The following CNGB3 variants were observed in gnomAD, a reference collection of about 807,000 sequenced individuals.
The protein encoded by CNGB3 is cyclic nucleotide gated channel subunit beta 3.
A neutral mutation model predicts 92.8 loss-of-function variants in CNGB3; 86 were observed. The ratio of observed to expected loss-of-function variants is 0.93; its 90% CI spans 0.78 to 1.11. CNGB3 has a LOEUF of 1.11. Among genes scored for constraint, CNGB3 ranks in the 50% least tolerant of loss-of-function variants. CNGB3 has a pLI of 0.00. For missense variants in CNGB3, 1,026 were observed against 956.8 expected (o/e 1.07, Z -0.95); for synonymous variants, 333 against 332.7 (o/e 1.00, Z -0.01).
At chr8:86,691,265 G>A (rs575370111) in intron 3 of CNGB3, among the ~76,000 whole-genome samples, 1 of 152,228 alleles carries the variant, frequency 6.6e-6, no homozygotes, top group East Asian at 1.9e-4. Context: ...AGATCTAGGA[G>A]CTTTTTGGAT....
intron 3 of CNGB3, among the ~76,000 whole-genome samples, chr8:86,689,913 T>C (rs1824273437): frequency 6.6e-6 from 1 of 152,228 alleles, no homozygotes; most frequent in African/African-American, 2.4e-5. Context: ...TATGGCTGCA[T>C]AGTATTCCAT....
intron 6 of CNGB3, chr8:86,661,427 G>A (rs911177132): frequency 3.7e-5 from 18 of 485,796 alleles, no homozygotes; most frequent in South Asian, 3.0e-4. Flanking sequence ...CAGCAGACCT[G>A]TTTTATGTTT....
At position 86,599,073 on chromosome 8, in the gene CNGB3, C is replaced by T. The variant is rs186749298; in HGVS notation, c.1781+5020G>A. On this transcript the variant is annotated intron_variant, in intron 15 of 17. Transcript: ENST00000320005. ...AAGGTTTGTTGCAGGAAGTCAGGGA[C>T]GCCAAACGGAGGGACCGGCTGAAGC... Among the ~76,000 whole-genome samples, 58 of 152,188 alleles carry T rather than the reference C, an allele frequency of 3.8e-4. No individual in the cohort carries two copies. In the East Asian group the frequency reaches 7.9e-3, roughly 21 times the overall value.
Position 86,670,958 on chromosome 8 carries a change from G to T in CNGB3, c.479C>A (p.Ala160Asp). 6.2e-7 allele frequency: 1 copy of T among 1,612,368 alleles called. No homozygotes were observed. Among genetic ancestry groups the T allele is most frequent in the Non-Finnish European group, 8.5e-7 (1 of 1,179,982 alleles). Residue 160 changes from alanine (A) to aspartate (D), a missense_variant, in exon 4 of 18, where the codon GCC becomes GAC. By Grantham distance (126) the Ala-to-Asp change is moderately radical. Transcript: ENST00000320005. ...GCAATGCTTACCAGTTTGTGGGCTG[G>T]CTTCGGGTGAGGAGAGATCTCCCTC... The part of the protein sequence containing the change: ...LVEGDLSSPE[A>D]SPQTAKPTAV...
chr8:86,680,402 C>T (rs909277033), intron 3 of CNGB3, among the ~76,000 whole-genome samples: 21 of 152,126 alleles, frequency 1.4e-4, no homozygotes, highest in African/African-American at 3.4e-4. Flanking sequence ...TCACAGGAGA[C>T]GTTCATTGCA....
At chr8:86,637,976 A>G (rs1395186409) in intron 10 of CNGB3, among the ~76,000 whole-genome samples, 1 of 152,146 alleles carries the variant, frequency 6.6e-6, no homozygotes, top group Non-Finnish European at 1.5e-5. Context: ...ATGAAATCGT[A>G]CAGTATATAT....
chr8:86,723,687 AG>A (rs1825011890), intron 3 of CNGB3, among the ~76,000 whole-genome samples: 1 of 152,150 alleles, frequency 6.6e-6, no homozygotes, highest in African/African-American at 2.4e-5. Flanking sequence ...GCCCCTTTCA[AG>A]TTGTTCCTTC....
At chr8:86,730,523 G>A (rs1825139549) in intron 2 of CNGB3, among the ~76,000 whole-genome samples, 1 of 152,138 alleles carries the variant, frequency 6.6e-6, no homozygotes, top group Non-Finnish European at 1.5e-5. Context: ...TTTATTAGGA[G>A]CCACCAGTAC....
Position 86,579,200 on chromosome 8 carries a change from C to A in CNGB3, c.1834G>T (p.Gly612Trp), listed in dbSNP as rs201675902. The A allele has an allele frequency of 1.9e-5, 30 of 1,614,116 alleles. No homozygotes were observed. In the Admixed American group the frequency reaches 2.7e-4, roughly 14 times the overall value. The change falls in exon 16 of 18, where the codon GGG becomes TGG. Residue 612 changes from glycine (G) to tryptophan (W), a missense_variant. Gly to Trp is a radical substitution (Grantham distance 184, BLOSUM62 -2). Coordinates refer to ENST00000320005, the MANE Select transcript of CNGB3 (RefSeq NM_019098.5). ...NRRTANVVAH[G>W]FANLLTLDKK... ...TCTAGAGTTAAAAGATTGGCAAACC[C>A]GTGGGCCACCACATTGGCAGTTCGA...
At chr8:86,590,541 A>G (rs1353418195) in intron 15 of CNGB3, among the ~76,000 whole-genome samples, 1 of 152,018 alleles carries the variant, frequency 6.6e-6, no homozygotes, top group Non-Finnish European at 1.5e-5. Flanking sequence ...CCTGGTGGTG[A>G]CAAAATCTCT....
intron 10 of CNGB3, among the ~76,000 whole-genome samples, chr8:86,643,324 C>A (rs1823228357): frequency 6.6e-6 from 1 of 151,274 alleles, no homozygotes; most frequent in Non-Finnish European, 1.5e-5. Context: ...TACTCGAGTA[C>A]AATACATGTT....
intron 3 of CNGB3, among the ~76,000 whole-genome samples, chr8:86,722,685 T>A (rs1342704789): frequency 6.6e-6 from 1 of 152,174 alleles, no homozygotes; most frequent in Non-Finnish European, 1.5e-5. Context: ...AAAGCCTACA[T>A]AGAGCAAAGA....
intron 15 of CNGB3, among the ~76,000 whole-genome samples, chr8:86,587,497 A>C (rs957237793): frequency 2.0e-5 from 3 of 151,996 alleles, no homozygotes; most frequent in Non-Finnish European, 2.9e-5. Flanking sequence ...TTTAATCCAT[A>C]TTGAATTGAT....
chr8:86,611,682 A>G lies in CNGB3; in HGVS notation c.1579-11T>C. 1.3e-6 allele frequency: 2 copies of G among 1,587,378 alleles called. No homozygotes were observed. The highest frequency in any genetic ancestry group is 1.7e-6 in the Non-Finnish European group (2 of 1,156,236). ...CTGTGTATCACAACCCTATATAAAA[A>G]GAAAAATAATTCTTATAGAAACAAC... On this transcript the variant is annotated splice_polypyrimidine_tract_variant and intron_variant, in intron 13 of 17. Transcript: ENST00000320005.
chr8:86,601,520 A>AT (rs201798305), intron 15 of CNGB3, among the ~76,000 whole-genome samples: 3,383 of 146,812 alleles, frequency 0.023, 37 homozygotes, highest in Middle Eastern at 0.029. Context: ...GTTTTTCTTT[A>AT]TTTTTTTTTT....
At chr8:86,644,432 T>C (rs543406994) in intron 9 of CNGB3, among the ~76,000 whole-genome samples, 190 bp downstream of exon 9, 3 of 151,346 alleles carry the variant, frequency 2.0e-5, no homozygotes, top group Non-Finnish European at 1.5e-5. Context: ...AAATCTGATA[T>C]GATTTTCATA....
At chr8:86,726,229 A>G (rs1825058078) in intron 3 of CNGB3, among the ~76,000 whole-genome samples, 1 of 152,228 alleles carries the variant, frequency 6.6e-6, no homozygotes, top group Non-Finnish European at 1.5e-5. Flanking sequence ...CCTAGTAAAT[A>G]TATAGGCTGT....
chr8:86,709,270 A>G (rs1486051399), intron 3 of CNGB3, among the ~76,000 whole-genome samples: 1 of 152,124 alleles, frequency 6.6e-6, no homozygotes, highest in African/African-American at 2.4e-5. Flanking sequence ...CACATGTTAC[A>G]TTTGCCGGTG....
chr8:86,707,730 G>A (rs889389344), intron 3 of CNGB3: 1 of 152,206 alleles, frequency 6.6e-6, no homozygotes, highest in Non-Finnish European at 1.5e-5. Flanking sequence ...GACCATATGA[G>A]GGCAAAGATT....
Sources: allele counts gnomAD v4.1 joint callset (sites outside exome capture counted in the v4.1 genomes callset), GRCh38; gene constraint gnomAD v4.1.1; transcripts MANE v1.5; gene names NCBI Gene and HGNC (gene_info 2026-07-23, HGNC 2026-07-21).